The following PCDH9 variants were observed in gnomAD, a reference collection of about 807,000 sequenced individuals.
The protein encoded by PCDH9 is protocadherin 9, also known as protocadherin-9.
Under a neutral mutation model 70.6 loss-of-function variants are expected in PCDH9, and 24 were observed. The ratio of observed to expected loss-of-function variants is 0.34; its 90% CI spans 0.25 to 0.48. PCDH9 has a LOEUF of 0.48. PCDH9 is among the 20% of genes least tolerant of loss of function. The pLI is 0.99. For synonymous variants in PCDH9, 562 were observed against 558.5 expected, an observed-to-expected ratio of 1.01 and a Z score of -0.09; for missense variants, 1,281 against 1,503.6, an observed-to-expected ratio of 0.85 and a Z score of 2.45.
chr13:66,414,107 A>C (rs1957422068), intron 4 of PCDH9, among the ~76,000 whole-genome samples: 1 of 152,176 alleles, frequency 6.6e-6, no homozygotes, highest in Non-Finnish European at 1.5e-5. Flanking sequence ...CTGGAAAAAA[A>C]ATCAAAGACT....
rs1164089402 is a variant in PCDH9 at position 66,522,818 on chromosome 13, AT to A, written c.3340+108391del. The stretch of plus-strand genomic sequence containing the variant: ...AGGAAGTGGAGTCCCTCAATTTCAG[AT>A]TTCTTGCCCCAGAAGTAGGAGAGAA... On this transcript the variant is annotated intron_variant, in intron 4 of 4. Transcript: ENST00000377865. 5.3e-5 allele frequency among the ~76,000 whole-genome samples: 8 copies of A among 152,006 alleles called. No homozygotes were observed. In the East Asian group the frequency reaches 1.5e-3, roughly 29 times the overall value.
intron 2 of PCDH9, among the ~76,000 whole-genome samples, chr13:66,963,967 T>C (rs76710100): frequency 0.027 from 4,130 of 152,168 alleles, 101 homozygotes; most frequent in Non-Finnish European, 0.038. Context: ...AATTGTAATA[T>C]AATAAATATT....
At position 66,315,940 on chromosome 13, in the gene PCDH9, A is replaced by G. The variant is rs147501243; in HGVS notation, c.3341-10912T>C. ...CCAGCATTTATTTTTCTACATTTCT[A>G]AAGGTTAAAAGTCTGAAATCAGTCT... On this transcript the variant is annotated intron_variant, in intron 4 of 4. Transcript: ENST00000377865. Among the ~76,000 whole-genome samples, 590 of 152,318 alleles carry G rather than the reference A, an allele frequency of 3.9e-3. 2 individuals carry two copies. Among genetic ancestry groups the G allele is most frequent in the Non-Finnish European group, 5.3e-3 (363 of 68,030 alleles).
intron 4 of PCDH9, among the ~76,000 whole-genome samples, chr13:66,533,610 T>G (rs2138638528): frequency 6.6e-6 from 1 of 152,212 alleles, no homozygotes; most frequent in African/African-American, 2.4e-5. Context: ...ATGATTGAAG[T>G]CTACAAAATA....
At chr13:66,476,608 T>G (rs1437921707) in intron 4 of PCDH9, among the ~76,000 whole-genome samples, 1 of 152,054 alleles carries the variant, frequency 6.6e-6, no homozygotes, top group East Asian at 1.9e-4. Context: ...TTAAAAGGTT[T>G]CAATAATATC....
intron 2 of PCDH9, among the ~76,000 whole-genome samples, chr13:66,958,440 T>G (rs990906982): frequency 1.3e-5 from 2 of 152,214 alleles, no homozygotes; most frequent in Admixed American, 1.3e-4. Flanking sequence ...TTGACATGCC[T>G]TAAATTTTAT....
chr13:66,855,144 G>T (rs1029626467), intron 3 of PCDH9, among the ~76,000 whole-genome samples: 2 of 152,070 alleles, frequency 1.3e-5, no homozygotes, highest in African/African-American at 4.8e-5. Flanking sequence ...GTAAAAGTGG[G>T]TTTGGCATTG....
intron 2 of PCDH9, among the ~76,000 whole-genome samples, chr13:67,039,413 T>C (rs999071258): frequency 5.3e-5 from 8 of 152,184 alleles, no homozygotes; most frequent in Admixed American, 2.0e-4. Context: ...AGTCAGATCC[T>C]GGCTTCCAGC....
chr13:66,414,490 T>C (rs1957428656), intron 4 of PCDH9, among the ~76,000 whole-genome samples: 1 of 152,232 alleles, frequency 6.6e-6, no homozygotes, highest in South Asian at 2.1e-4. Flanking sequence ...GAAGTATGGA[T>C]TGCTTTACGA....
At chr13:66,992,377 G>A (rs1055095179) in intron 2 of PCDH9, among the ~76,000 whole-genome samples, 3 of 152,080 alleles carry the variant, frequency 2.0e-5, no homozygotes, top group Admixed American at 6.6e-5. Context: ...CCCCTCCAGC[G>A]GAATGATGCA....
chr13:66,761,385 A>G lies in PCDH9; in HGVS notation c.3139-129974T>C, dbSNP rs549111281. ...TGGACATTCCTGTACCTGGATATTT[A>G]TATTTCTCTGGGTTTGGATACATCT... On this transcript the variant is annotated intron_variant, in intron 3 of 4. Transcript: ENST00000377865. Among the ~76,000 whole-genome samples, 18 of 152,246 alleles carry G rather than the reference A, an allele frequency of 1.2e-4. No individual in the cohort carries two copies. In the East Asian group the frequency reaches 2.1e-3, roughly 18 times the overall value.
At chr13:66,954,852 C>A (rs368210473) in intron 2 of PCDH9, among the ~76,000 whole-genome samples, 12 of 152,358 alleles carry the variant, frequency 7.9e-5, no homozygotes, top group African/African-American at 2.9e-4. Context: ...AAAACTCTGC[C>A]TCCCAGGTTC....
intron 3 of PCDH9, among the ~76,000 whole-genome samples, chr13:66,723,821 G>A (rs747667007): frequency 1.3e-5 from 2 of 152,182 alleles, no homozygotes; most frequent in Non-Finnish European, 2.9e-5. Context: ...TAGCACTGGA[G>A]AGCCCAGAAC....
intron 4 of PCDH9, among the ~76,000 whole-genome samples, chr13:66,551,153 C>T (rs1483949964): frequency 6.6e-6 from 1 of 152,008 alleles, no homozygotes; most frequent in East Asian, 1.9e-4. Flanking sequence ...TTATTGTTGG[C>T]TAAGAGTGTC....
intron 4 of PCDH9, among the ~76,000 whole-genome samples, chr13:66,358,709 T>A (rs1324039932): frequency 6.6e-6 from 1 of 151,954 alleles, no homozygotes; most frequent in African/African-American, 2.4e-5. Context: ...AAAATAAGTG[T>A]ATTGTTTATT....
At chr13:66,679,496 C>T (rs1456300363) in intron 3 of PCDH9, among the ~76,000 whole-genome samples, 1 of 151,848 alleles carries the variant, frequency 6.6e-6, no homozygotes, top group African/African-American at 2.4e-5. Flanking sequence ...AAAGATTACA[C>T]TATCTTTTCA....
At chr13:66,541,827 C>G (rs1048087069) in intron 4 of PCDH9, among the ~76,000 whole-genome samples, 3 of 152,142 alleles carry the variant, frequency 2.0e-5, no homozygotes, top group East Asian at 1.9e-4. Context: ...AGACAAATAA[C>G]TGAAAGAATT....
intron 2 of PCDH9, among the ~76,000 whole-genome samples, chr13:67,018,148 C>T (rs527441438): frequency 4.6e-5 from 7 of 152,224 alleles, no homozygotes; most frequent in African/African-American, 1.7e-4. Context: ...CAAATTCATT[C>T]AGCAAATACT....
chr13:67,101,070 A>C (rs908583141), intron 2 of PCDH9, among the ~76,000 whole-genome samples: 1 of 152,278 alleles, frequency 6.6e-6, no homozygotes, highest in South Asian at 2.1e-4. Flanking sequence ...CATTGATAGC[A>C]AGAATCTTTT....
Sources: gnomAD v4.1 joint callset for allele counts (sites outside exome capture counted in the v4.1 genomes callset) on GRCh38, gnomAD v4.1.1 for gene constraint, MANE v1.5 for transcripts, NCBI Gene and HGNC (gene_info 2026-07-23, HGNC 2026-07-21) for gene names.